Variants in OPCML observed in about 807,000 individuals in gnomAD.
OPCML encodes opioid binding protein/cell adhesion molecule like.
In OPCML, 13 loss-of-function variants were observed where a neutral mutation model predicts 37.8. The ratio of observed to expected loss-of-function variants is 0.34; its 90% CI spans 0.22 to 0.55. OPCML has a LOEUF of 0.55. Ranked by LOEUF, OPCML falls within the 20% of genes least tolerant of loss-of-function variation. The pLI is 0.91. For synonymous variants in OPCML, 176 were observed against 168.8 expected, an observed-to-expected ratio of 1.04 and a Z score of -0.33; for missense variants, 341 against 435.6, an observed-to-expected ratio of 0.78 and a Z score of 1.93.
chr11:132,546,611 GGAGA>G (rs1017204357), intron 3 of OPCML, among the ~76,000 whole-genome samples: 9 of 152,168 alleles, frequency 5.9e-5, no homozygotes, highest in African/African-American at 2.2e-4. Context: ...TCTGGCCTCT[GGAGA>G]GAGAGAGCCA....
chr11:133,479,553 C>A (rs1947329264), intron 1 of OPCML, among the ~76,000 whole-genome samples: 1 of 152,234 alleles, frequency 6.6e-6, no homozygotes, highest in African/African-American at 2.4e-5. Context: ...GCTGTGCACA[C>A]AGGCCCTGAA....
At chr11:132,560,629 G>A (rs2096408555) in intron 3 of OPCML, among the ~76,000 whole-genome samples, 1 of 152,180 alleles carries the variant, frequency 6.6e-6, no homozygotes, top group Non-Finnish European at 1.5e-5. Context: ...CATTCTTGTA[G>A]GAGTAAGGTG....
In OPCML at chr11:133,044,066, G is replaced by A. The variant is rs568368052; in HGVS notation, c.62-101056C>T. 3.9e-5 allele frequency among the ~76,000 whole-genome samples: 6 copies of A among 152,254 alleles called. No individual in the cohort carries two copies. In the South Asian group the frequency reaches 1.2e-3, roughly 32 times the overall value. On this transcript the variant is annotated intron_variant, in intron 1 of 7. Coordinates refer to ENST00000524381, the MANE Select transcript of OPCML (RefSeq NM_001012393.5). ...CTCTGTGTTGAATGCTATGATCTTT[G>A]CTATCCTATGGAGAGGATCAGGAAA... is the stretch of plus-strand genomic sequence containing the variant.
At chr11:132,723,255 AG>A (rs1944743757) in intron 2 of OPCML, among the ~76,000 whole-genome samples, 1 of 152,222 alleles carries the variant, frequency 6.6e-6, no homozygotes, top group Non-Finnish European at 1.5e-5. Flanking sequence ...ATTAATGCCA[AG>A]CTCCTCAATA....
At chr11:133,510,642 G>C (rs1413913596) in intron 1 of OPCML, among the ~76,000 whole-genome samples, 1 of 152,140 alleles carries the variant, frequency 6.6e-6, no homozygotes, top group Non-Finnish European at 1.5e-5. Flanking sequence ...ATGTGGTCAA[G>C]ACCTTTGTGC....
chr11:132,911,508 C>T (rs959999502), intron 2 of OPCML, among the ~76,000 whole-genome samples: 3 of 152,212 alleles, frequency 2.0e-5, no homozygotes, highest in African/African-American at 7.2e-5. Flanking sequence ...CTCGGGAACT[C>T]TCCTAAGAGT....
chr11:133,142,580 G>A (rs1949838739), intron 1 of OPCML, among the ~76,000 whole-genome samples: 1 of 152,160 alleles, frequency 6.6e-6, no homozygotes. Flanking sequence ...GGCCAATGAG[G>A]ACTGGGCTTT....
rs1297576606 is a variant in OPCML, at chr11:133,287,132, AT to A, written c.61+245131del. 3.9e-5 allele frequency among the ~76,000 whole-genome samples: 6 copies of A among 152,106 alleles called. No homozygotes were observed. The East Asian group carries it at 9.6e-4, about 24-fold the overall frequency. On this transcript the variant is annotated intron_variant, in intron 1 of 7. Transcript: ENST00000524381. ...AAATGTAATATCAACCATATGGCTC[AT>A]TTTTTTGCCATACATATAATTTTAA...
chr11:133,505,119 G>A (rs752126114), intron 1 of OPCML, among the ~76,000 whole-genome samples: 4 of 152,162 alleles, frequency 2.6e-5, no homozygotes, highest in Non-Finnish European at 5.9e-5. Flanking sequence ...AAGGACCCTC[G>A]ACCTCATCAA....
intron 2 of OPCML, among the ~76,000 whole-genome samples, chr11:132,907,810 C>G (rs181797679): frequency 2.0e-5 from 3 of 152,102 alleles, no homozygotes; most frequent in African/African-American, 7.2e-5. Flanking sequence ...AGCACCAGCA[C>G]GCTATGGTCG....
chr11:132,583,872 C>T (rs1009900081), intron 3 of OPCML, among the ~76,000 whole-genome samples: 1 of 151,622 alleles, frequency 6.6e-6, no homozygotes, highest in African/African-American at 2.4e-5. Context: ...CCTCGGCCTC[C>T]CAAAGTGCTG....
chr11:132,764,496 T>A (rs1481705555), intron 2 of OPCML, among the ~76,000 whole-genome samples: 1 of 152,236 alleles, frequency 6.6e-6, no homozygotes, highest in African/African-American at 2.4e-5. Flanking sequence ...CTGTGGGATA[T>A]GGCTTAACCT....
At chr11:133,227,084 G>C (rs976315127) in intron 1 of OPCML, among the ~76,000 whole-genome samples, 3 of 152,170 alleles carry the variant, frequency 2.0e-5, no homozygotes, top group Non-Finnish European at 4.4e-5. Flanking sequence ...CGTGTTAGGG[G>C]GGGGTGCTGT....
chr11:132,745,007 A>AGTGAACGAG (rs1195795809), intron 2 of OPCML, among the ~76,000 whole-genome samples: 2 of 152,286 alleles, frequency 1.3e-5, no homozygotes, highest in African/African-American at 4.8e-5. Flanking sequence ...TCATCCAGGA[A>AGTGAACGAG]CCACACCCCT....
chr11:133,357,617 G>A (rs1196312537), intron 1 of OPCML, among the ~76,000 whole-genome samples: 1 of 152,086 alleles, frequency 6.6e-6, no homozygotes, highest in Non-Finnish European at 1.5e-5. Flanking sequence ...AGAATGTCCA[G>A]TGAGGGCCCA....
intron 2 of OPCML, among the ~76,000 whole-genome samples, chr11:132,922,784 C>A (rs960638026): frequency 6.6e-6 from 1 of 152,108 alleles, no homozygotes; most frequent in Non-Finnish European, 1.5e-5. Flanking sequence ...GAAGACACAG[C>A]GGGAGAGGCT....
chr11:132,910,298 C>A (rs779819642), intron 2 of OPCML, among the ~76,000 whole-genome samples: 2 of 152,246 alleles, frequency 1.3e-5, no homozygotes, highest in Non-Finnish European at 2.9e-5. Context: ...ATTATGCCCC[C>A]ACAGGGGCAG....
intron 3 of OPCML, among the ~76,000 whole-genome samples, chr11:132,600,886 T>C (rs577385846): frequency 6.8e-6 from 1 of 147,608 alleles, no homozygotes; most frequent in African/African-American, 2.5e-5. Context: ...GTCTCTATAT[T>C]GCTTAGGCTG....
chr11:132,740,563 T>A (rs909038053), intron 2 of OPCML, among the ~76,000 whole-genome samples: 3 of 152,180 alleles, frequency 2.0e-5, no homozygotes, highest in African/African-American at 2.4e-5. Flanking sequence ...CCTCTCAGTA[T>A]AATTTATTAT....
Sources: gnomAD v4.1 joint callset for allele counts (sites outside exome capture counted in the v4.1 genomes callset) on GRCh38, gnomAD v4.1.1 for gene constraint, MANE v1.5 for transcripts, NCBI Gene and HGNC (gene_info 2026-07-23, HGNC 2026-07-21) for gene names.